ATP12A: variants seen among roughly 807,000 people sequenced by gnomAD.
ATP12A encodes ATPase H+/K+ transporting non-gastric alpha2 subunit.
In ATP12A, 81 loss-of-function variants were observed where a neutral mutation model predicts 111.2. The observed-to-expected ratio is 0.73, with a 90% CI of 0.61 to 0.88. The LOEUF (loss-of-function observed/expected upper bound fraction) is 0.88. Among genes scored for constraint, ATP12A ranks in the 40% least tolerant of loss-of-function variants. ATP12A has a pLI of 0.00. For missense variants in ATP12A, 1,196 were observed against 1,313.1 expected, an observed-to-expected ratio of 0.91 and a Z score of 1.38; for synonymous variants, 498 against 499.8, an observed-to-expected ratio of 1.00 and a Z score of 0.05.
intron 14 of ATP12A, chr13:24,703,461 C>CTA (rs1284377925): frequency 6.6e-6 from 1 of 152,188 alleles, no homozygotes; most frequent in Non-Finnish European, 1.5e-5. Context: ...AGGCTGGTCT[C>CTA]AAACTCCTGA....
At chr13:24,681,511 T>G in intron 1 of ATP12A, 51 bp from the exon 2 acceptor site, 1 of 1,589,106 alleles carries the variant, frequency 6.3e-7, no homozygotes, top group Non-Finnish European at 8.5e-7. Context: ...GCTCAGCACC[T>G]CTTCGGAAAC....
intron 14 of ATP12A, among the ~76,000 whole-genome samples, chr13:24,703,302 G>A (rs1418947727): frequency 6.6e-6 from 1 of 152,184 alleles, no homozygotes; most frequent in African/African-American, 2.4e-5. Flanking sequence ...TAATGCAGTG[G>A]TGTGATCTCA....
Position 24,685,213 on chromosome 13 carries a change from C to T in ATP12A, c.169-101C>T. 1.8e-6 allele frequency: 2 copies of T among 1,127,928 alleles called. No homozygotes were observed. The highest frequency in any genetic ancestry group is 3.5e-5 in the Admixed American group (2 of 57,728). 69.9% of individuals were successfully genotyped at this position (1,127,928 alleles called of 1,614,324 possible). On this transcript the variant is annotated intron_variant, in intron 2 of 22. Transcript: ENST00000381946. The surrounding 1 kb of genome is among the most constrained non-coding windows in gnomAD (Gnocchi z 5.5). ...CCACACTCCTCGATCCCCTCCCATC[C>T]TCAGGGCTGCTACTCCCAGCTTCCA...
Position 24,691,133 on chromosome 13 carries a change from C to A in ATP12A, c.951C>A (p.Ile317=). 1 of 1,614,164 alleles carries A rather than the reference C, an allele frequency of 6.2e-7. No individual in the cohort carries two copies. Among genetic ancestry groups the A allele is most frequent in the African/African-American group, 1.3e-5 (1 of 75,054 alleles). ...TTGTGGCAGGAGTGGCTGTCTCCAT[C>A]GGCATCCTTTTCTTCATCATCGCTG... ...VHIVAGVAVS[I]GILFFIIAVS... is the part of the protein sequence containing the mutation. The change falls in exon 8 of 23, where the codon ATC becomes ATA. Residue 317 remains isoleucine, a synonymous_variant. Transcript: ENST00000381946.
Position 24,692,826 on chromosome 13 carries a change from T to G in ATP12A, c.1307T>G (p.Leu436Ter), listed in dbSNP as rs749471714. The G allele has an allele frequency of 6.2e-7, 1 of 1,614,190 alleles. No individual in the cohort carries two copies. The highest frequency in any genetic ancestry group is 1.7e-5 in the Admixed American group (1 of 60,014). Reference sequence around the variant, plus strand: ...CAAAGCTCTAGGACTTGGGCCTCCTTATCCAAGATAATAACATTGTGTAAC... The same window carrying G: ...CAAAGCTCTAGGACTTGGGCCTCCTGATCCAAGATAATAACATTGTGTAAC... ...FDQSSRTWAS[L>*]SKIITLCNRA... The change falls in exon 10 of 23, where the codon TTA (leucine) becomes TGA (stop). Residue 436 changes from leucine to a stop codon, truncating the protein, a stop_gained. Coordinates refer to ENST00000381946, the MANE Select transcript of ATP12A (RefSeq NM_001676.7). LOFTEE classifies it high-confidence loss of function.
rs1452581735 is a variant in ATP12A at position 24,700,823 on chromosome 13, G to C, written c.1782G>C (p.Pro594=). 2.5e-6 allele frequency: 4 copies of C among 1,613,886 alleles called. No individual in the cohort carries two copies. In the East Asian group the frequency reaches 6.7e-5, roughly 27 times the overall value. ...TTGACATAGACGCTATGAACTTTCC[G>C]ACCTCCAACCTCTGTTTTGTGGGAC... ...YSFDIDAMNF[P]TSNLCFVGLL... The change falls in exon 13 of 23, where the codon CCG becomes CCC. Residue 594 remains proline (P), a synonymous_variant. Transcript: ENST00000381946.
At chr13:24,706,958 C>G in intron 15 of ATP12A, 65 bp from the exon 16 acceptor site, 1 of 1,500,586 alleles carries the variant, frequency 6.7e-7, no homozygotes. Flanking sequence ...TCTTGTTGCT[C>G]TTGCCAGGCC....
At chr13:24,710,662 T>G in intron 20 of ATP12A, 69 bp downstream of exon 20, 1 of 1,610,022 alleles carries the variant, frequency 6.2e-7, no homozygotes, top group Non-Finnish European at 8.5e-7. Flanking sequence ...TGATTTGTTT[T>G]TCACAAGACA....
intron 8 of ATP12A, 51 bp from the exon 9 acceptor site, chr13:24,692,378 C>A (rs765321632): frequency 1.3e-6 from 2 of 1,566,532 alleles, no homozygotes; most frequent in Non-Finnish European, 1.7e-6. Flanking sequence ...TATTATTGGA[C>A]CTGAGTTCAA....
intron 2 of ATP12A, among the ~76,000 whole-genome samples, chr13:24,683,237 C>T (rs879344087): frequency 3.7e-4 from 56 of 152,180 alleles, no homozygotes; most frequent in Non-Finnish European, 7.3e-4. Context: ...GGATTACAGG[C>T]GTGAGCCACT....
In ATP12A at chr13:24,700,761, T is replaced by A. The variant is rs969154026; in HGVS notation, c.1720T>A (p.Tyr574Asn). ...GERVLGFCHL[Y>N]LPADEFPETY... ...CTGTATTACAGGTTTCTGTCATCTCTACCTGCCAGCAGACGAGTTTCCAGA... is the reference window on the plus strand; with the variant it reads ...CTGTATTACAGGTTTCTGTCATCTCAACCTGCCAGCAGACGAGTTTCCAGA... The change falls in exon 13 of 23, where the codon TAC becomes AAC. Residue 574 changes from tyrosine (Y) to asparagine (N), a missense_variant. Around this residue, in one of 3 missense-constraint regions of ATP12A, gnomAD observed 1,126 missense variants for 1,228.5 expected, o/e 0.92. Transcript: ENST00000381946. 6.2e-6 allele frequency: 10 copies of A among 1,613,840 alleles called. No homozygotes were observed. The Admixed American group carries it at 1.7e-4, about 27-fold the overall frequency.
chr13:24,690,772 C>T (rs768469457), intron 7 of ATP12A, 51 bp downstream of exon 7: 2 of 1,539,766 alleles, frequency 1.3e-6, no homozygotes, highest in African/African-American at 1.4e-5. Flanking sequence ...TCCTTTCTCC[C>T]TCCTGGGCTC....
chr13:24,692,720 G>C, intron 9 of ATP12A, 67 bp from the exon 10 acceptor site: 3 of 1,599,562 alleles, frequency 1.9e-6, no homozygotes, highest in Non-Finnish European at 2.6e-6. Context: ...CCAGAGGATT[G>C]CTGGACAGTG....
chr13:24,695,799 G>C (rs1875128420), intron 11 of ATP12A, among the ~76,000 whole-genome samples: 1 of 152,028 alleles, frequency 6.6e-6, no homozygotes, highest in Admixed American at 6.5e-5. Flanking sequence ...AGTAGAGACA[G>C]GGTTTCACCT....
chr13:24,681,978 GTGGTGT>G (rs1874461189), intron 2 of ATP12A, among the ~76,000 whole-genome samples: 2 of 136,150 alleles, frequency 1.5e-5, no homozygotes, highest in African/African-American at 2.8e-5. Context: ...TGTATGGTGT[GTGGTGT>G]GTGTGTATGG....
chr13:24,697,705 A>G (rs1875224574), intron 11 of ATP12A, among the ~76,000 whole-genome samples: 1 of 102,936 alleles, frequency 9.7e-6, no homozygotes, highest in Non-Finnish European at 2.0e-5. Context: ...TATATTTTAG[A>G]AAGTGATAGA....
Position 24,680,776 on chromosome 13 carries a change from C to A in ATP12A, c.9+24C>A, listed in dbSNP as rs936181177. 2.2e-5 allele frequency: 33 copies of A among 1,483,398 alleles called. No homozygotes were observed. In the African/African-American group the frequency reaches 4.1e-4, roughly 18 times the overall value. The allele number at this position is 1,483,398 out of a possible 1,614,324, so 91.9% of individuals were successfully genotyped here. A position where few individuals can be genotyped will look rare whatever the true frequency, so the allele number is the denominator to read the frequency against. On this transcript the variant is annotated intron_variant, in intron 1 of 22. Coordinates refer to ENST00000381946, the MANE Select transcript of ATP12A (RefSeq NM_001676.7). ...AGGTGCGTGCAGCCCCCGCGCCGGC[C>A]GAGGATGCGAGACGCTGGGCCAAGG...
intron 2 of ATP12A, among the ~76,000 whole-genome samples, chr13:24,682,066 G>T (rs1257252379): frequency 3.8e-5 from 5 of 131,966 alleles, no homozygotes; most frequent in Admixed American, 2.3e-4. Context: ...TATGGTGTGT[G>T]TGTATGGTGT....
intron 11 of ATP12A, among the ~76,000 whole-genome samples, chr13:24,695,960 C>T (rs1208409792): frequency 1.3e-5 from 2 of 152,090 alleles, no homozygotes; most frequent in African/African-American, 2.4e-5. Context: ...AGTGAGCCAA[C>T]AGAGAATCAC....
Sources: gnomAD v4.1 joint callset for allele counts (sites outside exome capture counted in the v4.1 genomes callset) on GRCh38, gnomAD v4.1.1 for gene constraint, gnomAD v4.1.1 regional missense constraint, Gnocchi (gnomAD v3.1) non-coding constraint, MANE v1.5 for transcripts, NCBI Gene and HGNC (gene_info 2026-07-23, HGNC 2026-07-21) for gene names.